The following GRB10 variants were observed in gnomAD, a reference collection of about 807,000 sequenced individuals.
GRB10 encodes the protein growth factor receptor bound protein 10.
In GRB10, 20 loss-of-function variants were observed where a neutral mutation model predicts 80.9. The observed-to-expected ratio is 0.25, with a 90% confidence interval of 0.17 to 0.36. The LOEUF (loss-of-function observed/expected upper bound fraction) is 0.36. GRB10 is among the 10% of genes least tolerant of loss of function. The probability of loss-of-function intolerance (pLI) is 1.00; values close to 1 mark genes in which losing one functional copy is unlikely to be tolerated. For synonymous variants in GRB10, 291 were observed against 291.5 expected (o/e 1.00, Z 0.02); for missense variants, 548 against 747.7 (o/e 0.73, Z 3.12).
At chr7:50,640,503 T>A (rs1205848873) in intron 7 of GRB10, among the ~76,000 whole-genome samples, 2 of 152,210 alleles carry the variant, frequency 1.3e-5, no homozygotes, top group African/African-American at 4.8e-5. Flanking sequence ...CCCTTCTCTT[T>A]AGAAGGTGCT....
At chr7:50,618,821 G>C (rs1054006544) in intron 9 of GRB10, among the ~76,000 whole-genome samples, 5 of 152,218 alleles carry the variant, frequency 3.3e-5, no homozygotes, top group African/African-American at 4.8e-5. Flanking sequence ...TATTTGCAGA[G>C]AATAATGAGT....
At chr7:50,597,780 A>G (rs1231280879) in intron 17 of GRB10, among the ~76,000 whole-genome samples, 2 of 152,220 alleles carry the variant, frequency 1.3e-5, no homozygotes, top group South Asian at 2.1e-4. Flanking sequence ...ATCAGCAGGA[A>G]TCCTGGATAG....
chr7:50,690,084 G>A (rs967412039), intron 5 of GRB10, among the ~76,000 whole-genome samples: 6 of 151,988 alleles, frequency 3.9e-5, no homozygotes, highest in African/African-American at 1.2e-4. Context: ...ATCACCTGAG[G>A]TCAGGAGTCT....
intron 5 of GRB10, among the ~76,000 whole-genome samples, chr7:50,695,653 C>A (rs2063341208): frequency 6.6e-6 from 1 of 152,128 alleles, no homozygotes; most frequent in Non-Finnish European, 1.5e-5. Flanking sequence ...CAATACTATA[C>A]CGCTGCCAAA....
intron 7 of GRB10, among the ~76,000 whole-genome samples, chr7:50,654,006 C>T (rs2058336305): frequency 6.6e-6 from 1 of 152,228 alleles, no homozygotes; most frequent in African/African-American, 2.4e-5. Context: ...TTCTCGGGAA[C>T]CTTTCACAGT....
At chr7:50,659,602 ATAGTGT>A (rs3831531) in intron 7 of GRB10, among the ~76,000 whole-genome samples, 53,864 of 152,100 alleles carry the variant, frequency 0.35, 9,840 homozygotes, top group Middle Eastern at 0.52. Flanking sequence ...CAGCTGTGCA[ATAGTGT>A]GTGTGCCCAC....
chr7:50,761,453 T>C (rs2075757750), intron 2 of GRB10, among the ~76,000 whole-genome samples: 2 of 152,050 alleles, frequency 1.3e-5, no homozygotes. Flanking sequence ...GAATGAAAGA[T>C]TTTAGTGGTG....
intron 7 of GRB10, among the ~76,000 whole-genome samples, chr7:50,641,049 G>A (rs958953231): frequency 1.3e-5 from 2 of 152,124 alleles, no homozygotes; most frequent in African/African-American, 4.8e-5. Context: ...ACGCGGTCCT[G>A]CTGCCAATCC....
At position 50,654,965 on chromosome 7, in the gene GRB10, G is replaced by A. The variant is rs151294603; in HGVS notation, c.504+14757C>T. ...TCTGACTCCTGTCCTTTTAGAAAAG[G>A]GAAAAAAAACAAAAACAATGTTGTT... On this transcript the variant is annotated intron_variant, in intron 7 of 18. Transcript: ENST00000401949. Among the ~76,000 whole-genome samples, 17 of 151,962 alleles carry A rather than the reference G, an allele frequency of 1.1e-4. No homozygotes were observed. The East Asian group carries it at 3.1e-3, about 28-fold the overall frequency.
intron 6 of GRB10, among the ~76,000 whole-genome samples, chr7:50,670,956 C>A (rs1037773773): frequency 6.6e-6 from 1 of 152,212 alleles, no homozygotes; most frequent in African/African-American, 2.4e-5. Context: ...GTTCCCTCCT[C>A]CGAAAAATGC....
At chr7:50,780,009 G>A (rs979052955) in intron 2 of GRB10, among the ~76,000 whole-genome samples, 10 of 152,100 alleles carry the variant, frequency 6.6e-5, no homozygotes, top group African/African-American at 2.2e-4. Flanking sequence ...GAAGCAAACG[G>A]GGCCAATAAA....
chr7:50,743,230 T>C (rs1276450303), intron 3 of GRB10, among the ~76,000 whole-genome samples: 2 of 152,264 alleles, frequency 1.3e-5, no homozygotes, highest in Non-Finnish European at 2.9e-5. Context: ...CAAGGGTCTA[T>C]ATGTGACCAT....
chr7:50,597,048 T>C (rs769527615), intron 17 of GRB10, among the ~76,000 whole-genome samples: 8 of 152,298 alleles, frequency 5.3e-5, no homozygotes, highest in Admixed American at 3.3e-4. Context: ...CAGGTCTAGA[T>C]TGTAATGTGA....
intron 12 of GRB10, among the ~76,000 whole-genome samples, chr7:50,613,943 T>G (rs2050050070): frequency 6.6e-6 from 1 of 152,196 alleles, no homozygotes; most frequent in Non-Finnish European, 1.5e-5. Context: ...AACTATTCAC[T>G]GGCTACTGGA....
At chr7:50,615,797 C>G (rs570060862) in intron 11 of GRB10, among the ~76,000 whole-genome samples, 34 of 152,358 alleles carry the variant, frequency 2.2e-4, no homozygotes, top group African/African-American at 7.2e-4. Context: ...GGGATACATG[C>G]AAGCCTGCAG....
intron 5 of GRB10, among the ~76,000 whole-genome samples, chr7:50,681,304 T>G (rs2061518269): frequency 6.6e-6 from 1 of 152,160 alleles, no homozygotes; most frequent in Non-Finnish European, 1.5e-5. Context: ...CCCCAAAGAC[T>G]ACCATCGGAT....
intron 7 of GRB10, among the ~76,000 whole-genome samples, chr7:50,644,073 T>C (rs2056759920): frequency 6.6e-6 from 1 of 152,202 alleles, no homozygotes. Context: ...TGGGGGCCCT[T>C]GTTTCAGGGC....
chr7:50,733,934 G>C (rs962075156), intron 3 of GRB10, among the ~76,000 whole-genome samples: 1 of 152,166 alleles, frequency 6.6e-6, no homozygotes, highest in East Asian at 1.9e-4. Context: ...AGAGAAACAA[G>C]AATTTAGCTT....
intron 3 of GRB10, among the ~76,000 whole-genome samples, chr7:50,741,826 G>A (rs60931085): frequency 0.014 from 2,119 of 151,906 alleles, 55 homozygotes; most frequent in African/African-American, 0.048. Flanking sequence ...TCAAAAATCG[G>A]AAAGCAAAGC....
Sources: gnomAD v4.1 joint callset for allele counts (sites outside exome capture counted in the v4.1 genomes callset) on GRCh38, gnomAD v4.1.1 for gene constraint, MANE v1.5 for transcripts, NCBI Gene and HGNC (gene_info 2026-07-23, HGNC 2026-07-21) for gene names.